Variants in BTC observed in about 807,000 individuals in gnomAD.
The protein encoded by BTC is probetacellulin.
Under a neutral mutation model 18.1 loss-of-function variants are expected in BTC, and 13 were observed. The ratio of observed to expected loss-of-function variants is 0.72; its 90% CI spans 0.47 to 1.14. The LOEUF is 1.14. BTC is among the 50% of genes most tolerant of loss of function. The pLI is 0.00. For missense variants in BTC, 247 were observed against 224.2 expected, an observed-to-expected ratio of 1.10 and a Z score of -0.65; for synonymous variants, 83 against 79.4, an observed-to-expected ratio of 1.05 and a Z score of -0.24.
intron 1 of BTC, among the ~76,000 whole-genome samples, chr4:74,775,842 A>C (rs1470483562): frequency 6.6e-6 from 1 of 152,188 alleles, no homozygotes; most frequent in Non-Finnish European, 1.5e-5. Flanking sequence ...TCTTCCTGAA[A>C]GAATTTCACT....
In BTC at chr4:74,794,499, C is replaced by G; in HGVS notation, c.-174G>C. On this transcript the variant is annotated 5_prime_UTR_variant, in exon 1 of 6. Transcript: ENST00000395743. ...CTACAAGGCAGGGAAACACCCAGGG[C>G]GGGAGGCCGGCCGGCTCCGTGAATG... 1.4e-6 allele frequency: 1 copy of G among 711,334 alleles called. No homozygotes were observed. The highest frequency in any genetic ancestry group is 2.0e-5 in the South Asian group (1 of 50,662). 44.1% of individuals were successfully genotyped at this position (711,334 alleles called of 1,614,324 possible).
At position 74,745,763 on chromosome 4, in the gene BTC, T is replaced by C. The variant is rs558631004; in HGVS notation, c.*914A>G. On this transcript the variant is annotated 3_prime_UTR_variant, in exon 6 of 6. Transcript: ENST00000395743. ...AAACAGCCTCTTTCAGTAATATTATTTATATTTTATTGAGCATAAACACTT... is the reference window on the plus strand; with the variant it reads ...AAACAGCCTCTTTCAGTAATATTATCTATATTTTATTGAGCATAAACACTT... 1.3e-5 allele frequency: 2 copies of C among 152,324 alleles called. No individual in the cohort carries two copies. Among genetic ancestry groups the C allele is most frequent in the Admixed American group, 1.3e-4 (2 of 15,298 alleles). The allele number at this position is 152,324 out of a possible 1,614,324, so 9.4% of individuals were successfully genotyped here. A position where few individuals can be genotyped will look rare whatever the true frequency, so the allele number is the denominator to read the frequency against.
chr4:74,767,372 AAAG>A (rs1158116882), intron 2 of BTC, among the ~76,000 whole-genome samples: 1 of 152,014 alleles, frequency 6.6e-6, no homozygotes, highest in Non-Finnish European at 1.5e-5. Context: ...GGAATAAACT[AAAG>A]AAATGAAAGA....
intron 2 of BTC, among the ~76,000 whole-genome samples, chr4:74,765,769 T>C (rs1047640567): frequency 6.6e-6 from 1 of 152,056 alleles, no homozygotes; most frequent in African/African-American, 2.4e-5. Context: ...CAAAGAAACC[T>C]CCATCACACT....
Position 74,794,353 on chromosome 4 carries a change from C to CCCTA in BTC, c.-32_-29dup. On this transcript the variant is annotated 5_prime_UTR_variant, in exon 1 of 6. Transcript: ENST00000395743. ...ACCCCGCTCTGCCGGGCCGGGCAGC[C>CCCTA]CCTAGACAAGTCTCCCTCCTTCTTC... 1 of 1,525,136 alleles carries CCCTA rather than the reference C, an allele frequency of 6.6e-7. No individual in the cohort carries two copies. The highest frequency in any genetic ancestry group is 1.7e-4 in the Middle Eastern group (1 of 5,864). 94.5% of individuals were successfully genotyped at this position (1,525,136 alleles called of 1,614,324 possible).
At chr4:74,764,183 T>C (rs1447882401) in intron 2 of BTC, among the ~76,000 whole-genome samples, 6 of 152,098 alleles carry the variant, frequency 3.9e-5, no homozygotes, top group African/African-American at 1.2e-4. Flanking sequence ...GAGATAAATG[T>C]AAAAGCTAAA....
At chr4:74,753,806 A>G (rs1724524725) in intron 3 of BTC, among the ~76,000 whole-genome samples, 1 of 144,412 alleles carries the variant, frequency 6.9e-6, no homozygotes, top group Non-Finnish European at 1.5e-5. Context: ...GCAATATAAC[A>G]AGACCTTCTC....
Position 74,744,762 on chromosome 4 carries a change from G to C in BTC, c.*1915C>G, listed in dbSNP as rs1314284106. ...TCCCAAGTAACCACACGTTTACTTT[G>C]TTTTAAAAATAAATTTATTTTATTA... On this transcript the variant is annotated 3_prime_UTR_variant, in exon 6 of 6. Transcript: ENST00000395743. 1 of 152,090 alleles carries C rather than the reference G, an allele frequency of 6.6e-6. No individual in the cohort carries two copies. Among genetic ancestry groups the C allele is most frequent in the African/African-American group, 2.4e-5 (1 of 41,418 alleles). 9.4% of individuals were successfully genotyped at this position (152,090 alleles called of 1,614,324 possible).
At chr4:74,774,167 A>G (rs1420566539) in intron 1 of BTC, among the ~76,000 whole-genome samples, 1 of 152,242 alleles carries the variant, frequency 6.6e-6, no homozygotes, top group Non-Finnish European at 1.5e-5. Flanking sequence ...TTATGTGGTC[A>G]TAGTAATGTC....
At chr4:74,780,087 C>T (rs555210590) in intron 1 of BTC, among the ~76,000 whole-genome samples, 86 of 152,028 alleles carry the variant, frequency 5.7e-4, no homozygotes, top group African/African-American at 1.7e-3. Flanking sequence ...GCTGGAGTGA[C>T]GAATTATACA....
chr4:74,785,339 C>T (rs1725451414), intron 1 of BTC, among the ~76,000 whole-genome samples: 1 of 151,866 alleles, frequency 6.6e-6, no homozygotes, highest in Non-Finnish European at 1.5e-5. Flanking sequence ...GTCTAGTTAG[C>T]TGTCTATTTT....
intron 1 of BTC, among the ~76,000 whole-genome samples, chr4:74,784,785 G>A (rs28844950): frequency 0.18 from 26,908 of 152,044 alleles, 3,920 homozygotes; most frequent in African/African-American, 0.41. Context: ...CAACTTGGTC[G>A]TGGTGGATAA....
At chr4:74,754,497 G>A (rs1271103300) in intron 3 of BTC, among the ~76,000 whole-genome samples, 1 of 152,196 alleles carries the variant, frequency 6.6e-6, no homozygotes, top group Non-Finnish European at 1.5e-5. Flanking sequence ...GAAGGAGGAA[G>A]TCAGTGAAGG....
rs180697020 is a variant in BTC, at chr4:74,750,733, C to T, written c.282-14G>A. On this transcript the variant is annotated splice_polypyrimidine_tract_variant and intron_variant, in intron 3 of 5. Coordinates refer to ENST00000395743, the MANE Select transcript of BTC (RefSeq NM_001729.4). The stretch of plus-strand genomic sequence containing the variant: ...CCTTCATCACAGCTATAAAACAAGA[C>T]GAGGGCAAGGAAGTAAAACTTGCAA... 1.6e-4 allele frequency: 261 copies of T among 1,608,360 alleles called. No individual in the cohort carries two copies. The highest frequency in any genetic ancestry group is 2.0e-4 in the Non-Finnish European group (241 of 1,178,480).
chr4:74,773,610 C>T (rs1380583730), intron 1 of BTC, among the ~76,000 whole-genome samples: 1 of 136,846 alleles, frequency 7.3e-6, no homozygotes, highest in African/African-American at 3.0e-5. Flanking sequence ...GTAAGATAGA[C>T]ACAAACTTTT....
intron 1 of BTC, among the ~76,000 whole-genome samples, chr4:74,789,709 C>T (rs1383205531): frequency 6.6e-6 from 1 of 152,148 alleles, no homozygotes; most frequent in Non-Finnish European, 1.5e-5. Flanking sequence ...AGAGAAACAA[C>T]TTTTGACATT....
At chr4:74,748,197 G>T in intron 4 of BTC, 48 bp from the exon 5 acceptor site, 2 of 1,138,750 alleles carry the variant, frequency 1.8e-6, no homozygotes, top group South Asian at 1.3e-5. Context: ...TAGTTCATGC[G>T]AACACAAAAT....
At chr4:74,777,511 A>C (rs1487721342) in intron 1 of BTC, among the ~76,000 whole-genome samples, 1 of 152,220 alleles carries the variant, frequency 6.6e-6, no homozygotes, top group Non-Finnish European at 1.5e-5. Flanking sequence ...ACTATGAAAG[A>C]TGAATACACA....
At chr4:74,749,687 TGTTGTTGTTG>T (rs1300739783) in intron 4 of BTC, among the ~76,000 whole-genome samples, 11 of 118,206 alleles carry the variant, frequency 9.3e-5, no homozygotes, top group East Asian at 2.3e-4. Flanking sequence ...TAGTTTTTTT[TGTTGTTGTTG>T]TTGTTGTTGT....
Sources: gnomAD v4.1 joint callset for allele counts (sites outside exome capture counted in the v4.1 genomes callset) on GRCh38, gnomAD v4.1.1 for gene constraint, MANE v1.5 for transcripts, NCBI Gene and HGNC (gene_info 2026-07-23, HGNC 2026-07-21) for gene names.